The following CACNA2D4 variants were observed in gnomAD, a reference collection of about 807,000 sequenced individuals.
The protein encoded by CACNA2D4 is voltage-dependent calcium channel subunit alpha-2/delta-4.
A neutral mutation model predicts 163.8 loss-of-function variants in CACNA2D4; 157 were observed. The ratio of observed to expected loss-of-function variants is 0.96; its 90% CI spans 0.84 to 1.09. The LOEUF is 1.09. CACNA2D4 is among the 50% of genes least tolerant of loss of function. The pLI is 0.00. For synonymous variants in CACNA2D4, 598 were observed against 586.9 expected (o/e 1.02, Z -0.27); for missense variants, 1,410 against 1,479.9 (o/e 0.95, Z 0.78).
chr12:1,913,163 T>C (rs1866876671), intron 2 of CACNA2D4, 24 bp from the exon 3 acceptor site: 2 of 1,506,960 alleles, frequency 1.3e-6, no homozygotes, highest in Non-Finnish European at 1.8e-6. Context: ...GTGGGAGAGA[T>C]GCGTGCATGT....
rs1285144596 is a variant in CACNA2D4, at chr12:1,828,034, G to A, written c.2551+12705C>T. ...TCCCTAACCCCTGGGCTGGAACGGG[G>A]CTCCCGCGCCTGCCTGTGCTCAGTG... On this transcript the variant is annotated intron_variant, in intron 26 of 37. Coordinates refer to ENST00000382722, the MANE Select transcript of CACNA2D4 (RefSeq NM_172364.5). The surrounding 1 kb of genome is among the most constrained non-coding windows in gnomAD (Gnocchi z 4.2). 2.1e-6 allele frequency: 2 copies of A among 962,044 alleles called. No homozygotes were observed. Among genetic ancestry groups the A allele is most frequent in the South Asian group, 2.1e-5 (1 of 48,774 alleles). The allele number at this position is 962,044 out of a possible 1,614,324, so 59.6% of individuals were successfully genotyped here. A position where few individuals can be genotyped will look rare whatever the true frequency, so the allele number is the denominator to read the frequency against.
intron 26 of CACNA2D4, chr12:1,830,837 A>C: frequency 2.0e-6 from 2 of 1,014,886 alleles, no homozygotes; most frequent in Non-Finnish European, 2.8e-6. Flanking sequence ...AAGGAGATAA[A>C]GCCAAGAGCC....
At position 1,846,781 on chromosome 12, in the gene CACNA2D4, C is replaced by T. The variant is rs111518296; in HGVS notation, c.2247-92G>A. 1,526 of 1,025,830 alleles carry T rather than the reference C, an allele frequency of 1.5e-3. 20 individuals are homozygous for T. The African/African-American group carries it at 0.02, about 13-fold the overall frequency. 63.5% of individuals were successfully genotyped at this position (1,025,830 alleles called of 1,614,324 possible). On this transcript the variant is annotated intron_variant, in intron 23 of 37. Coordinates refer to ENST00000382722, the MANE Select transcript of CACNA2D4 (RefSeq NM_172364.5). ...GGGGTTTGGGGGCCTCTCCTTGCTCCTGCCTGGCCTGGCTCAGGGAAGACT... is the reference window on the plus strand; with the variant it reads ...GGGGTTTGGGGGCCTCTCCTTGCTCTTGCCTGGCCTGGCTCAGGGAAGACT...
At chr12:1,886,192 G>T in intron 8 of CACNA2D4, 31 bp downstream of exon 8, 1 of 1,606,756 alleles carries the variant, frequency 6.2e-7, no homozygotes, top group Non-Finnish European at 8.5e-7. Context: ...GAGCAAGTGA[G>T]AGCTATTCTA....
intron 26 of CACNA2D4, among the ~76,000 whole-genome samples, chr12:1,839,513 C>A (rs138404053): frequency 6.6e-6 from 1 of 152,226 alleles, no homozygotes; most frequent in African/African-American, 2.4e-5. Context: ...TGGGTTCCAA[C>A]GAGAGGCGGT....
At position 1,844,356 on chromosome 12, in the gene CACNA2D4, T is replaced by A. The variant is rs370778755; in HGVS notation, c.2470+46A>T. On this transcript the variant is annotated intron_variant, in intron 25 of 37. Transcript: ENST00000382722. This position sits in a 1 kb window ranked among gnomAD's most constrained non-coding sequence, Gnocchi z 4.2. Reference sequence around the variant, plus strand: ...AGCACAGCAGGAGGAGAGATGAGACTGGCCTGAGACTGGCCCAGCCCCGGG... The same window carrying A: ...AGCACAGCAGGAGGAGAGATGAGACAGGCCTGAGACTGGCCCAGCCCCGGG... The A allele has an allele frequency of 1.9e-6, 3 of 1,603,098 alleles. No individual in the cohort carries two copies. Among genetic ancestry groups the A allele is most frequent in the Non-Finnish European group, 2.6e-6 (3 of 1,173,348 alleles).
At chr12:1,826,432 G>A (rs548672039) in intron 26 of CACNA2D4, among the ~76,000 whole-genome samples, 84 of 100,894 alleles carry the variant, frequency 8.3e-4, no homozygotes, top group African/African-American at 3.1e-3. Context: ...CTGGCACCAG[G>A]AGCCCACTGG....
chr12:1,826,414 C>G (rs1024732498), intron 26 of CACNA2D4, among the ~76,000 whole-genome samples: 10 of 138,560 alleles, frequency 7.2e-5, no homozygotes, highest in African/African-American at 2.2e-4. Context: ...CCCCCCCCCC[C>G]CCGCCAACTG....
At position 1,810,576 on chromosome 12, in the gene CACNA2D4, C is replaced by G; in HGVS notation, c.2625G>C (p.Val875=). ...CGCAGCTCTGTGTGCACGGCCCATC[C>G]ACAGTGCTGCACTGGAAGGAAGAGG... is the stretch of plus-strand genomic sequence containing the variant. ...FWAATRQCST[V]DGPCTQSCED... Residue 875 remains valine, a synonymous_variant, in exon 28 of 38, where the codon GTG becomes GTC. Coordinates refer to ENST00000382722, the MANE Select transcript of CACNA2D4 (RefSeq NM_172364.5). The G allele has an allele frequency of 3.9e-6, 6 of 1,553,462 alleles. No homozygotes were observed. The highest frequency in any genetic ancestry group is 5.2e-6 in the Non-Finnish European group (6 of 1,147,924).
Position 1,907,495 on chromosome 12 carries a change from T to C in CACNA2D4, c.726A>G (p.Pro242=). Residue 242 remains proline, a synonymous_variant, in exon 6 of 38, where the codon CCA becomes CCG. Transcript: ENST00000382722. The stretch of plus-strand genomic sequence containing the variant: ...TGCCAAAATATTGCCAGGTCAACGT[T>C]GGGTCTCTCTGGAAGTTCTCCACGA... The part of the protein sequence containing the change: ...AVFVENFQRD[P]TLTWQYFGSA... 6.2e-7 allele frequency: 1 copy of C among 1,613,874 alleles called. No homozygotes were observed. The highest frequency in any genetic ancestry group is 8.5e-7 in the Non-Finnish European group (1 of 1,179,776).
At chr12:1,870,491 G>A (rs533945592) in intron 18 of CACNA2D4, among the ~76,000 whole-genome samples, 4 of 151,596 alleles carry the variant, frequency 2.6e-5, no homozygotes, top group Admixed American at 2.0e-4. Context: ...TAGCTGTTGC[G>A]CTCCAGACAG....
chr12:1,810,329 G>A lies in CACNA2D4; in HGVS notation c.2670C>T (p.Cys890=). ...TQSCEDSDLD[C]FVIDNNGFIL... ...TGAACCCGTTGTTGTCGATGACGAA[G>A]CAGTCCAGATCCTGGGAGGAAACCC... The change falls in exon 29 of 38, where the codon TGC becomes TGT. Residue 890 remains cysteine, a synonymous_variant. Transcript: ENST00000382722. 1 of 1,613,874 alleles carries A rather than the reference G, an allele frequency of 6.2e-7. No homozygotes were observed.
In CACNA2D4 at chr12:1,874,599, C is replaced by T; in HGVS notation, c.1878+5G>A. On this transcript the variant is annotated splice_donor_5th_base_variant and intron_variant, in intron 18 of 37. Transcript: ENST00000382722. The surrounding 1 kb of genome is among the most constrained non-coding windows in gnomAD (Gnocchi z 4.4). ...GCCATGCCCTGGCTGTTTCTAGCTC[C>T]TTACCCCTTTATCCATCGGAACCTT... is the stretch of plus-strand genomic sequence containing the variant. The T allele has an allele frequency of 2.5e-6, 4 of 1,605,808 alleles. No homozygotes were observed. Among genetic ancestry groups the T allele is most frequent in the Non-Finnish European group, 3.4e-6 (4 of 1,172,502 alleles).
At chr12:1,873,611 G>C (rs1225881140) in intron 18 of CACNA2D4, among the ~76,000 whole-genome samples, 1 of 152,206 alleles carries the variant, frequency 6.6e-6, no homozygotes, top group East Asian at 1.9e-4. Context: ...GCCGTGCTGG[G>C]CTCCATGAGA....
intron 18 of CACNA2D4, among the ~76,000 whole-genome samples, chr12:1,862,168 G>T (rs577825601): frequency 4.3e-4 from 65 of 152,304 alleles, no homozygotes; most frequent in Admixed American, 8.5e-4. Context: ...CTCCTTTGGG[G>T]CTATAGTGAA....
intron 6 of CACNA2D4, among the ~76,000 whole-genome samples, chr12:1,890,453 G>C (rs1343176313): frequency 6.6e-6 from 1 of 152,204 alleles, no homozygotes; most frequent in Non-Finnish European, 1.5e-5. Flanking sequence ...CCTTGGCAGT[G>C]AAATCACCAC....
chr12:1,866,191 A>G (rs1437104608), intron 18 of CACNA2D4, among the ~76,000 whole-genome samples: 3 of 152,154 alleles, frequency 2.0e-5, no homozygotes, highest in Admixed American at 2.0e-4. Context: ...TCTGTTCTTA[A>G]ATTTTGTCAA....
chr12:1,804,028 C>G (rs1456090623), intron 29 of CACNA2D4, among the ~76,000 whole-genome samples: 1 of 152,150 alleles, frequency 6.6e-6, no homozygotes, highest in South Asian at 2.1e-4. Flanking sequence ...GAAATCCTGC[C>G]TGTTCTTCAC....
At chr12:1,842,190 G>A (rs896475687) in intron 25 of CACNA2D4, among the ~76,000 whole-genome samples, 4 of 152,192 alleles carry the variant, frequency 2.6e-5, no homozygotes, top group African/African-American at 9.7e-5. Flanking sequence ...CACCTGGTGG[G>A]AATGATCAGG....
Sources: gnomAD v4.1 joint callset for allele counts (sites outside exome capture counted in the v4.1 genomes callset) on GRCh38, gnomAD v4.1.1 for gene constraint, Gnocchi (gnomAD v3.1) non-coding constraint, MANE v1.5 for transcripts, NCBI Gene and HGNC (gene_info 2026-07-23, HGNC 2026-07-21) for gene names.